NEDD4L: variants seen among roughly 807,000 people sequenced by gnomAD.
NEDD4L encodes the protein E3 ubiquitin-protein ligase NEDD4-like.
A neutral mutation model predicts 148.9 loss-of-function variants in NEDD4L; 54 were observed. The observed-to-expected ratio is 0.36, with a 90% confidence interval of 0.29 to 0.45. NEDD4L has a LOEUF of 0.45. Among genes scored for constraint, NEDD4L ranks in the 20% least tolerant of loss-of-function variants. NEDD4L has a pLI of 1.00. For synonymous variants in NEDD4L, 433 were observed against 440.7 expected (o/e 0.98, Z 0.22); for missense variants, 856 against 1,233.8 (o/e 0.69, Z 4.59).
intron 30 of NEDD4L, among the ~76,000 whole-genome samples, chr18:58,393,493 C>T (rs1432638018): frequency 1.3e-5 from 2 of 152,196 alleles, no homozygotes; most frequent in African/African-American, 4.8e-5. Context: ...CTTACCAGAA[C>T]TTATTTTCCT....
intron 30 of NEDD4L, 67 bp from the exon 31 acceptor site, chr18:58,396,100 G>A (rs2050462041): frequency 9.7e-7 from 1 of 1,029,362 alleles, no homozygotes; most frequent in Admixed American, 1.9e-5. Flanking sequence ...CAAACCTCAT[G>A]CCCTATTAAC....
intron 1 of NEDD4L, among the ~76,000 whole-genome samples, chr18:58,144,652 GA>G (rs141426542): frequency 4.1e-5 from 6 of 146,854 alleles, no homozygotes; most frequent in South Asian, 2.1e-4. Context: ...GTCAGTCCTG[GA>G]AAAAAAAAAC....
chr18:58,087,154 G>A (rs1258710999), intron 1 of NEDD4L, among the ~76,000 whole-genome samples: 2 of 152,174 alleles, frequency 1.3e-5, no homozygotes. Context: ...TCTTAACAAA[G>A]GATTTTATAG....
chr18:58,239,531 TG>T (rs1889936330), intron 2 of NEDD4L, among the ~76,000 whole-genome samples: 1 of 152,078 alleles, frequency 6.6e-6, no homozygotes, highest in Admixed American at 6.6e-5. Flanking sequence ...CCTTAAAATA[TG>T]TGGAGCTCAG....
At chr18:58,269,444 G>A (rs1192711934) in intron 5 of NEDD4L, among the ~76,000 whole-genome samples, 1 of 152,062 alleles carries the variant, frequency 6.6e-6, no homozygotes, top group African/African-American at 2.4e-5. Context: ...CAAGTCTGTG[G>A]TCAGCAGATT....
At position 58,387,493 on chromosome 18, in the gene NEDD4L, C is replaced by T. The variant is rs370069597; in HGVS notation, c.2542C>T (p.Leu848=). 1,068 of 1,567,512 alleles carry T rather than the reference C, an allele frequency of 6.8e-4. 2 individuals are homozygous for T. Among genetic ancestry groups the T allele is most frequent in the Non-Finnish European group, 5.2e-4 (604 of 1,157,634 alleles). ...DLIKIFDENE[L]ELLMCGLGDV... is the part of the protein sequence containing the mutation. ...GATTAAAATTTTTGATGAAAATGAG[C>T]TGGAGGTTTGTATTATAAACATTAT... Residue 848 remains leucine (L), a synonymous_variant, in exon 27 of 31, where the codon CTG becomes TTG. Coordinates refer to ENST00000400345, the MANE Select transcript of NEDD4L (RefSeq NM_001144967.3).
At chr18:58,377,526 G>A (rs1294769919) in intron 24 of NEDD4L, among the ~76,000 whole-genome samples, 1 of 152,156 alleles carries the variant, frequency 6.6e-6, no homozygotes, top group Non-Finnish European at 1.5e-5. Flanking sequence ...ATCTGGGGCT[G>A]CTGGTTTCTA....
In NEDD4L at chr18:58,341,577, T is replaced by G. The variant is rs1601473526; in HGVS notation, c.1258-101T>G. On this transcript the variant is annotated intron_variant, in intron 14 of 30. Coordinates refer to ENST00000400345, the MANE Select transcript of NEDD4L (RefSeq NM_001144967.3). ...CTCCACGCTTTAAATAGGCCAGACC[T>G]CTTATTATTGCTGTTTGCGTTGTTG... The G allele has an allele frequency of 1.3e-5, 17 of 1,298,946 alleles. No individual in the cohort carries two copies. The South Asian group carries it at 2.4e-4, about 18-fold the overall frequency. The allele number at this position is 1,298,946 out of a possible 1,614,324, so 80.5% of individuals were successfully genotyped here.
At chr18:58,361,656 C>T (rs1382782372) in intron 19 of NEDD4L, among the ~76,000 whole-genome samples, 1 of 152,140 alleles carries the variant, frequency 6.6e-6, no homozygotes, top group Non-Finnish European at 1.5e-5. Flanking sequence ...GCAAGGAGCT[C>T]CAATGTCTCC....
At chr18:58,101,387 A>C (rs927485897) in intron 1 of NEDD4L, among the ~76,000 whole-genome samples, 2 of 152,182 alleles carry the variant, frequency 1.3e-5, no homozygotes, top group African/African-American at 4.8e-5. Context: ...AACTCAGAAC[A>C]AGGCTTTTGC....
chr18:58,079,013 T>G (rs1050280763), intron 1 of NEDD4L, among the ~76,000 whole-genome samples: 1 of 152,088 alleles, frequency 6.6e-6, no homozygotes, highest in Non-Finnish European at 1.5e-5. Flanking sequence ...GTGGATAAAA[T>G]GTACCAGGCA....
chr18:58,278,881 A>T (rs1034522859), intron 5 of NEDD4L, among the ~76,000 whole-genome samples: 28 of 151,770 alleles, frequency 1.8e-4, no homozygotes, highest in African/African-American at 5.3e-4. Context: ...TTATTTATTT[A>T]TTTTTTTTGG....
chr18:58,353,498 G>C (rs748589028), intron 18 of NEDD4L, among the ~76,000 whole-genome samples: 1 of 152,220 alleles, frequency 6.6e-6, no homozygotes, highest in African/African-American at 2.4e-5. Flanking sequence ...TGCCTCCTTA[G>C]CTGTTCATGC....
chr18:58,058,406 C>G (rs922148611), intron 1 of NEDD4L, among the ~76,000 whole-genome samples: 5 of 152,226 alleles, frequency 3.3e-5, no homozygotes, highest in Admixed American at 3.3e-4. Context: ...GCAGCCATCA[C>G]CCCTGTCTAG....
At chr18:58,333,789 A>T (rs1220792461) in intron 11 of NEDD4L, 29 bp from the exon 12 acceptor site, 2 of 1,563,260 alleles carry the variant, frequency 1.3e-6, no homozygotes, top group South Asian at 1.1e-5. Context: ...ATATTTCTTG[A>T]TGCTTCCTGT....
At chr18:58,350,193 C>CA (rs1312871416) in intron 17 of NEDD4L, among the ~76,000 whole-genome samples, 1 of 152,124 alleles carries the variant, frequency 6.6e-6, no homozygotes, top group Non-Finnish European at 1.5e-5. Context: ...GGTGACAGGG[C>CA]AGTGGTTGGA....
At chr18:58,156,176 C>T (rs1248543949) in intron 1 of NEDD4L, among the ~76,000 whole-genome samples, 2 of 152,204 alleles carry the variant, frequency 1.3e-5, no homozygotes, top group East Asian at 3.8e-4. Flanking sequence ...AGTCCAGCGA[C>T]CAGCCCATCG....
At chr18:58,199,986 A>G (rs527736819) in intron 2 of NEDD4L, among the ~76,000 whole-genome samples, 5 of 152,210 alleles carry the variant, frequency 3.3e-5, no homozygotes, top group Non-Finnish European at 7.3e-5. Flanking sequence ...TATCTTTATA[A>G]TAATTCTCTA....
chr18:58,054,001 A>G (rs2081989892), intron 1 of NEDD4L, among the ~76,000 whole-genome samples: 1 of 152,244 alleles, frequency 6.6e-6, no homozygotes, highest in South Asian at 2.1e-4. Context: ...GGTCAGAGGT[A>G]ATGTAGGAGA....
Sources: allele counts gnomAD v4.1 joint callset (sites outside exome capture counted in the v4.1 genomes callset), GRCh38; gene constraint gnomAD v4.1.1; transcripts MANE v1.5; gene names NCBI Gene and HGNC (gene_info 2026-07-23, HGNC 2026-07-21).